The following ZNF354B variants were observed in gnomAD, a reference collection of about 807,000 sequenced individuals.
ZNF354B encodes zinc finger protein 354B.
A neutral mutation model predicts 12.9 loss-of-function variants in ZNF354B; 10 were observed. The ratio of observed to expected loss-of-function variants is 0.77; its 90% confidence interval spans 0.48 to 1.31. The LOEUF (loss-of-function observed/expected upper bound fraction) is 1.31. Ranked by LOEUF, ZNF354B falls within the 40% of genes most tolerant of loss-of-function variation. The pLI, the probability that ZNF354B is intolerant of heterozygous loss-of-function variation, is 0.00. For missense variants in ZNF354B, 614 were observed against 711.7 expected (o/e 0.86, Z 1.56); for synonymous variants, 260 against 243.7 (o/e 1.07, Z -0.62).
chr5:178,878,382 CAAAAA>C (rs774828144), intron 4 of ZNF354B, among the ~76,000 whole-genome samples: 1 of 97,340 alleles, frequency 1.0e-5, no homozygotes, highest in South Asian at 3.4e-4. Flanking sequence ...GACTCCGTCT[CAAAAA>C]AAAAAAAAAA....
chr5:178,866,958 G>T lies in ZNF354B; in HGVS notation c.161-18G>T. On this transcript the variant is annotated intron_variant, in intron 3 of 4. Transcript: ENST00000322434. ...AACGAAGACTGAGACTTTTGTTGTT[G>T]TTGTTGTTTATGTGCAGGACTCTCA... 6.2e-7 allele frequency: 1 copy of T among 1,609,558 alleles called. No homozygotes were observed. Among genetic ancestry groups the T allele is most frequent in the Admixed American group, 1.7e-5 (1 of 59,712 alleles).
At chr5:178,862,752 T>G (rs568650896) in intron 2 of ZNF354B, among the ~76,000 whole-genome samples, 1 of 152,314 alleles carries the variant, frequency 6.6e-6, no homozygotes, top group Non-Finnish European at 1.5e-5. Context: ...GAGCTGGTAT[T>G]TGTCCTCGAA....
chr5:178,880,588 G>C (rs141755916), intron 4 of ZNF354B, among the ~76,000 whole-genome samples: 1,652 of 151,570 alleles, frequency 0.011, 36 homozygotes, highest in African/African-American at 0.039. Flanking sequence ...TAGCCTCCTG[G>C]GCTCAAGTGA....
At chr5:178,862,453 G>T (rs896067889) in intron 2 of ZNF354B, among the ~76,000 whole-genome samples, 7 of 138,540 alleles carry the variant, frequency 5.1e-5, no homozygotes, top group African/African-American at 1.9e-4. Flanking sequence ...TGCAACCTCC[G>T]CCTCCCTGGT....
chr5:178,872,375 A>G (rs973517003), intron 4 of ZNF354B, among the ~76,000 whole-genome samples: 3 of 152,158 alleles, frequency 2.0e-5, no homozygotes, highest in Non-Finnish European at 4.4e-5. Context: ...CATAGTTTGT[A>G]TAGCCATTCC....
chr5:178,874,609 T>G (rs913492598), intron 4 of ZNF354B, among the ~76,000 whole-genome samples: 1 of 152,212 alleles, frequency 6.6e-6, no homozygotes, highest in Non-Finnish European at 1.5e-5. Context: ...TTTCTTATCA[T>G]GGCCATTTTG....
At position 178,884,442 on chromosome 5, in the gene ZNF354B, T is replaced by C. The variant is rs1757771929; in HGVS notation, c.*151T>C. On this transcript the variant is annotated 3_prime_UTR_variant, in exon 5 of 5. Coordinates refer to ENST00000322434, the MANE Select transcript of ZNF354B (RefSeq NM_058230.3). ...TAACTTATGGGAAAAGCTTTTATAC[T>C]TGTCACTCACTTTTTAAAATATCCC... The C allele has an allele frequency of 2.5e-6, 2 of 790,010 alleles. No individual in the cohort carries two copies. The highest frequency in any genetic ancestry group is 3.8e-6 in the Non-Finnish European group (2 of 528,386). The allele number at this position is 790,010 out of a possible 1,614,324, so 48.9% of individuals were successfully genotyped here.
In ZNF354B at chr5:178,860,001, C is replaced by A. The variant is rs1255273156; in HGVS notation, c.-178C>A. On this transcript the variant is annotated 5_prime_UTR_variant, in exon 1 of 5. The change creates a new upstream start codon in the 5' untranslated region. Coordinates refer to ENST00000322434, the MANE Select transcript of ZNF354B (RefSeq NM_058230.3). Reference sequence around the variant, plus strand: ...TCCCAGGCGCTCTGCGGAGCTTTCGCTGCCCGGTGAGCGGCGCCGGGCTTG... The same window carrying A: ...TCCCAGGCGCTCTGCGGAGCTTTCGATGCCCGGTGAGCGGCGCCGGGCTTG... 6.6e-6 allele frequency: 1 copy of A among 152,334 alleles called. No individual in the cohort carries two copies. Among genetic ancestry groups the A allele is most frequent in the Non-Finnish European group, 1.5e-5 (1 of 68,098 alleles). The allele number at this position is 152,334 out of a possible 1,614,324, so 9.4% of individuals were successfully genotyped here.
chr5:178,871,413 C>G (rs1200192013), intron 4 of ZNF354B, among the ~76,000 whole-genome samples: 1 of 152,204 alleles, frequency 6.6e-6, no homozygotes, highest in African/African-American at 2.4e-5. Context: ...TCGGCTCACA[C>G]AGGCACAGAT....
chr5:178,871,363 C>CTGGA (rs1394849094), intron 4 of ZNF354B, among the ~76,000 whole-genome samples: 4 of 152,200 alleles, frequency 2.6e-5, no homozygotes, highest in Non-Finnish European at 5.9e-5. Context: ...GGCAGTCATG[C>CTGGA]GTCCATGTGG....
intron 4 of ZNF354B, among the ~76,000 whole-genome samples, chr5:178,877,488 A>G (rs1757655485): frequency 6.6e-6 from 1 of 152,138 alleles, no homozygotes. Context: ...TTAATGTCTG[A>G]TTCCCCAAAG....
At chr5:178,881,548 G>A (rs1757718163) in intron 4 of ZNF354B, among the ~76,000 whole-genome samples, 1 of 152,084 alleles carries the variant, frequency 6.6e-6, no homozygotes, top group African/African-American at 2.4e-5. Flanking sequence ...CCCTTATATA[G>A]ATTTTTCATA....
Position 178,883,804 on chromosome 5 carries a change from C to A in ZNF354B, c.1352C>A (p.Ser451Ter), listed in dbSNP as rs567179097. The part of the protein sequence containing the change: ...NECGKALSSH[S>*]TLIIHERIHT... ...TGTGGTAAAGCCTTAAGCTCCCACT[C>A]AACACTTATTATTCATGAGCGAATT... Residue 451 changes from serine to a stop codon, truncating the protein, a stop_gained, in exon 5 of 5, where the codon TCA becomes TAA. Transcript: ENST00000322434. LOFTEE classifies it high-confidence loss of function. 1 of 1,614,080 alleles carries A rather than the reference C, an allele frequency of 6.2e-7. No individual in the cohort carries two copies. Among genetic ancestry groups the A allele is most frequent in the Non-Finnish European group, 8.5e-7 (1 of 1,179,992 alleles).
chr5:178,872,126 T>G (rs1757572655), intron 4 of ZNF354B, among the ~76,000 whole-genome samples: 1 of 152,194 alleles, frequency 6.6e-6, no homozygotes, highest in Admixed American at 6.5e-5. Context: ...TTCCCTCTTG[T>G]TCACTGCCCC....
intron 4 of ZNF354B, 27 bp downstream of exon 4, chr5:178,867,098 G>T: frequency 6.3e-7 from 1 of 1,591,242 alleles, no homozygotes; most frequent in South Asian, 1.1e-5. Flanking sequence ...AGGTGCTCGG[G>T]AATGGCCGCA....
At chr5:178,862,828 G>T (rs1282776616) in intron 2 of ZNF354B, among the ~76,000 whole-genome samples, 1 of 152,214 alleles carries the variant, frequency 6.6e-6, no homozygotes, top group Non-Finnish European at 1.5e-5. Flanking sequence ...CCATCCCTGT[G>T]TGTGGGTGAG....
chr5:178,862,362 C>CTTT (rs769224561), intron 2 of ZNF354B, among the ~76,000 whole-genome samples: 1,892 of 105,552 alleles, frequency 0.018, 134 homozygotes, highest in African/African-American at 0.069. Flanking sequence ...GTGGCATTAT[C>CTTT]TTTTTTTTTT....
Position 178,883,755 on chromosome 5 carries a change from G to C in ZNF354B, c.1303G>C (p.Glu435Gln). ...TAGACACCGAATAATTCATACTGGA[G>C]AGAAATTGTATAATTGTAATGAATG... ...LNRHRIIHTG[E>Q]KLYNCNECGK... is the part of the protein sequence containing the mutation. The change falls in exon 5 of 5, where the codon GAG becomes CAG. Residue 435 changes from glutamate (E) to glutamine (Q), a missense_variant. Glu to Gln is a conservative substitution (Grantham distance 29). Transcript: ENST00000322434. 6.2e-7 allele frequency: 1 copy of C among 1,614,120 alleles called. No individual in the cohort carries two copies. Among genetic ancestry groups the C allele is most frequent in the Non-Finnish European group, 8.5e-7 (1 of 1,179,994 alleles).
chr5:178,870,476 T>C (rs1279402326), intron 4 of ZNF354B, among the ~76,000 whole-genome samples: 1 of 152,192 alleles, frequency 6.6e-6, no homozygotes, highest in Non-Finnish European at 1.5e-5. Flanking sequence ...GACCGCGTTT[T>C]GCCATGTTGG....
Sources: allele counts gnomAD v4.1 joint callset (sites outside exome capture counted in the v4.1 genomes callset), GRCh38; gene constraint gnomAD v4.1.1; transcripts MANE v1.5; gene names NCBI Gene and HGNC (gene_info 2026-07-23, HGNC 2026-07-21).